NRG1: variants seen among roughly 807,000 people sequenced by gnomAD.
NRG1 encodes pro-neuregulin-1, membrane-bound isoform.
NRG1 carries 18 observed loss-of-function variants against 63.8 expected under a neutral mutation model. The ratio of observed to expected loss-of-function variants is 0.28; its 90% CI spans 0.19 to 0.42. The LOEUF (loss-of-function observed/expected upper bound fraction) is 0.42, where lower values mean the gene tolerates loss of function less well. Among genes scored for constraint, NRG1 ranks in the 10% least tolerant of loss-of-function variants. The pLI, the probability that NRG1 is intolerant of heterozygous loss-of-function variation, is 1.00. For synonymous variants in NRG1, 302 were observed against 301.3 expected, an observed-to-expected ratio of 1.00 and a Z score of -0.02; for missense variants, 762 against 814.7, an observed-to-expected ratio of 0.94 and a Z score of 0.79.
At chr8:32,236,481 A>T (rs1165574345) in intron 1 of NRG1, among the ~76,000 whole-genome samples, 1 of 152,152 alleles carries the variant, frequency 6.6e-6, no homozygotes, top group East Asian at 1.9e-4. Context: ...ACCCTTCTGG[A>T]CTGATGCAGA....
chr8:31,750,734 A>G (rs1816374831), intron 1 of NRG1, among the ~76,000 whole-genome samples: 1 of 151,914 alleles, frequency 6.6e-6, no homozygotes, highest in Non-Finnish European at 1.5e-5. Flanking sequence ...TATCCTACTA[A>G]ATGAGCATTG....
intron 1 of NRG1, among the ~76,000 whole-genome samples, chr8:32,344,372 T>TTTTTTCTTTCTTTCTTTCTTCC (rs1554513682): frequency 1.7e-5 from 1 of 58,676 alleles, no homozygotes; most frequent in Non-Finnish European, 3.9e-5. Context: ...CTTTCTTTCT[T>TTTTTTCTTTCTTTCTTTCTTCC]TCTTTCTTTC....
In NRG1 at chr8:31,640,670, C is replaced by G. The variant is rs773285833; in HGVS notation, c.37+1239C>G. On this transcript the variant is annotated intron_variant, in intron 1 of 10. Transcript: ENST00000519301. This position sits in a 1 kb window ranked among gnomAD's most constrained non-coding sequence, Gnocchi z 6.3. Reference sequence around the variant, plus strand: ...GCCGCCTTCCGAGCCTCTTTCCCCCCTCTGGAGACGGGCCGGAACCTCAAG... The same window carrying G: ...GCCGCCTTCCGAGCCTCTTTCCCCCGTCTGGAGACGGGCCGGAACCTCAAG... 3.1e-6 allele frequency: 5 copies of G among 1,607,726 alleles called. No homozygotes were observed. The highest frequency in any genetic ancestry group is 2.3e-5 in the East Asian group (1 of 44,408).
At chr8:32,187,304 TGGCG>T (rs1227123741) in intron 1 of NRG1, among the ~76,000 whole-genome samples, 12 of 152,184 alleles carry the variant, frequency 7.9e-5, no homozygotes, top group African/African-American at 2.9e-4. Flanking sequence ...TTGATTTCCA[TGGCG>T]TAGTTCTTTG....
Position 32,312,499 on chromosome 8 carries a change from A to C in NRG1, c.38-283329A>C, listed in dbSNP as rs1462652824. ...CCTGTGACTTTTTCTCAAGGGCTTCAAACAGTCCCTCTGCAAGTTAACCTA... is the reference window on the plus strand; with the variant it reads ...CCTGTGACTTTTTCTCAAGGGCTTCCAACAGTCCCTCTGCAAGTTAACCTA... On this transcript the variant is annotated intron_variant, in intron 1 of 10. Coordinates refer to the NRG1 transcript ENST00000519301. 1.4e-4 allele frequency among the ~76,000 whole-genome samples: 22 copies of C among 151,876 alleles called. No individual in the cohort carries two copies. The East Asian group carries it at 4.3e-3, about 30-fold the overall frequency.
intron 1 of NRG1, among the ~76,000 whole-genome samples, chr8:32,091,277 C>CA (rs34853603): frequency 0.41 from 48,636 of 119,002 alleles, 8,788 homozygotes; most frequent in East Asian, 0.75. Context: ...GACTTGGTCT[C>CA]AAAAAAAAAA....
intron 1 of NRG1, among the ~76,000 whole-genome samples, chr8:32,258,837 C>T (rs892529732): frequency 6.6e-6 from 1 of 152,128 alleles, no homozygotes; most frequent in Non-Finnish European, 1.5e-5. Flanking sequence ...ATATCAGGTA[C>T]AAACAAATAG....
At chr8:32,214,124 G>A (rs1227866179) in intron 1 of NRG1, among the ~76,000 whole-genome samples, 1 of 152,108 alleles carries the variant, frequency 6.6e-6, no homozygotes, top group Non-Finnish European at 1.5e-5. Context: ...CTAGTAGAGA[G>A]GGGAGGGAAA....
rs1397219523 is a variant in NRG1 at position 32,497,393 on chromosome 8, G to A, written c.38-98435G>A. Reference sequence around the variant, plus strand: ...ACCTGGGAGGCGGGGGTTGCAGTGAGCCAAGACTGTGTCATTGCACTCCAG... The same window carrying A: ...ACCTGGGAGGCGGGGGTTGCAGTGAACCAAGACTGTGTCATTGCACTCCAG... On this transcript the variant is annotated intron_variant, in intron 1 of 10. Transcript: ENST00000519301. Among the ~76,000 whole-genome samples the A allele has an allele frequency of 2.7e-5, 4 of 147,518 alleles. No homozygotes were observed. In the Admixed American group the frequency reaches 2.7e-4, roughly 10 times the overall value.
At chr8:31,744,679 G>T (rs190994559) in intron 1 of NRG1, among the ~76,000 whole-genome samples, 152 of 151,990 alleles carry the variant, frequency 1.0e-3, no homozygotes, top group Admixed American at 3.2e-3. Context: ...TTGCTAAATC[G>T]GTCCTTGCTC....
chr8:32,729,016 C>T (rs1158732528), intron 6 of NRG1, among the ~76,000 whole-genome samples: 3 of 151,988 alleles, frequency 2.0e-5, no homozygotes, highest in East Asian at 1.9e-4. Context: ...TGCAGTGAGC[C>T]GAGATTGCAC....
At chr8:32,661,018 ATTTATGTG>A (rs1305733003) in intron 5 of NRG1, among the ~76,000 whole-genome samples, 1 of 152,130 alleles carries the variant, frequency 6.6e-6, no homozygotes, top group Non-Finnish European at 1.5e-5. Flanking sequence ...CCTCTGTGTG[ATTTATGTG>A]TTACCATCAT....
chr8:31,729,076 A>T (rs181802836), intron 1 of NRG1, among the ~76,000 whole-genome samples: 1 of 152,152 alleles, frequency 6.6e-6, no homozygotes, highest in African/African-American at 2.4e-5. Context: ...TTATTTTTGT[A>T]TATATACTTA....
chr8:31,852,508 A>C (rs1827351791), intron 1 of NRG1, among the ~76,000 whole-genome samples: 1 of 152,104 alleles, frequency 6.6e-6, no homozygotes, highest in African/African-American at 2.4e-5. Flanking sequence ...TCTGGATATT[A>C]GCCCTATGTC....
chr8:32,399,803 T>C (rs1812935135), intron 1 of NRG1, among the ~76,000 whole-genome samples: 1 of 152,230 alleles, frequency 6.6e-6, no homozygotes, highest in Admixed American at 6.5e-5. Flanking sequence ...TCAGGTATTA[T>C]AGGGTATAAG....
chr8:31,906,035 C>G (rs1196681461), intron 1 of NRG1, among the ~76,000 whole-genome samples: 1 of 152,176 alleles, frequency 6.6e-6, no homozygotes, highest in East Asian at 1.9e-4. Flanking sequence ...CCCAAACTTA[C>G]CAGCTTAAAA....
chr8:32,484,965 C>T (rs1825735385), intron 1 of NRG1, among the ~76,000 whole-genome samples: 1 of 152,162 alleles, frequency 6.6e-6, no homozygotes, highest in African/African-American at 2.4e-5. Flanking sequence ...CGCAACCTCC[C>T]ATTCAGAGAA....
chr8:32,076,212 TG>T (rs1172017833), intron 1 of NRG1, among the ~76,000 whole-genome samples: 5 of 152,200 alleles, frequency 3.3e-5, no homozygotes, highest in Non-Finnish European at 4.4e-5. Context: ...TGAGCAAAGC[TG>T]GTTTCAGGGG....
At chr8:31,999,526 G>A (rs1364406943) in intron 1 of NRG1, among the ~76,000 whole-genome samples, 2 of 151,948 alleles carry the variant, frequency 1.3e-5, no homozygotes, top group African/African-American at 4.8e-5. Context: ...TCACCCTCGC[G>A]GAATTTAGAC....
Sources: gnomAD v4.1 joint callset for allele counts (sites outside exome capture counted in the v4.1 genomes callset) on GRCh38, gnomAD v4.1.1 for gene constraint, Gnocchi (gnomAD v3.1) non-coding constraint, MANE v1.5 for transcripts, NCBI Gene and HGNC (gene_info 2026-07-23, HGNC 2026-07-21) for gene names.